CDH26: variants seen among roughly 807,000 people sequenced by gnomAD.
The protein encoded by CDH26 is cadherin-like protein 26.
A neutral mutation model predicts 90.3 loss-of-function variants in CDH26; 83 were observed. The ratio of observed to expected loss-of-function variants is 0.92; its 90% CI spans 0.77 to 1.10. CDH26 has a LOEUF of 1.10. Ranked by LOEUF, CDH26 falls within the 50% of genes least tolerant of loss-of-function variation. The probability of loss-of-function intolerance (pLI) is 0.00; values close to 1 mark genes in which losing one functional copy is unlikely to be tolerated. For synonymous variants in CDH26, 397 were observed against 396.3 expected (o/e 1.00, Z -0.02); for missense variants, 1,013 against 1,037.6 (o/e 0.98, Z 0.33).
At chr20:59,995,703 C>G in intron 11 of CDH26, 130 bp from the exon 12 acceptor site, 1 of 750,954 alleles carries the variant, frequency 1.3e-6, no homozygotes, top group South Asian at 1.7e-5. Flanking sequence ...TTGAGGACCC[C>G]TCCCTCTAAC....
intron 7 of CDH26, among the ~76,000 whole-genome samples, chr20:60,024,953 C>T (rs1006341412): frequency 2.6e-5 from 4 of 152,130 alleles, no homozygotes; most frequent in African/African-American, 7.2e-5. Context: ...AGAGCAGGTG[C>T]GCCCTCCTCT....
At chr20:59,975,799 C>A (rs959663697) in intron 4 of CDH26, among the ~76,000 whole-genome samples, 1 of 152,126 alleles carries the variant, frequency 6.6e-6, no homozygotes, top group East Asian at 1.9e-4. Context: ...AGTAGCACTT[C>A]TTTACTCTTG....
rs2062031945 is a variant in CDH26 at position 60,030,471 on chromosome 20, G to A, written c.948-760G>A. On this transcript the variant is annotated intron_variant, in intron 7 of 8. Transcript: ENST00000370991. The surrounding 1 kb of genome is among the most constrained non-coding windows in gnomAD (Gnocchi z 4.0). Reference sequence around the variant, plus strand: ...AGGAAAACATCTGGACTTCCTTTGGGTAGTTCCCCATCTCTTCATCCTCTG... The same window carrying A: ...AGGAAAACATCTGGACTTCCTTTGGATAGTTCCCCATCTCTTCATCCTCTG... Among the ~76,000 whole-genome samples the A allele has an allele frequency of 6.6e-6, 1 of 152,002 alleles. No homozygotes were observed. Among genetic ancestry groups the A allele is most frequent in the Admixed American group, 6.5e-5 (1 of 15,268 alleles).
chr20:60,032,048 A>G (rs536950017), intron 8 of CDH26, among the ~76,000 whole-genome samples: 28 of 152,400 alleles, frequency 1.8e-4, no homozygotes, highest in African/African-American at 6.5e-4. Context: ...ATCTCACAGT[A>G]TTATAATTCA....
intron 4 of CDH26, among the ~76,000 whole-genome samples, chr20:59,980,752 A>T (rs180736294): frequency 2.0e-5 from 3 of 152,196 alleles, no homozygotes; most frequent in Admixed American, 6.5e-5. Flanking sequence ...TTACAGAGCA[A>T]AAGTTATTAC....
chr20:60,035,402 T>C (rs147886798), downstream of CDH26, among the ~76,000 whole-genome samples: 9 of 152,354 alleles, frequency 5.9e-5, no homozygotes, highest in East Asian at 1.7e-3. Context: ...GTGTGTATTA[T>C]CAGTTTTTAA....
intron 1 of CDH26, 86 bp downstream of exon 1, chr20:59,958,881 G>A (rs1218503917): frequency 1.4e-6 from 2 of 1,389,532 alleles, no homozygotes; most frequent in African/African-American, 1.4e-5. Context: ...GGCTAAGGGA[G>A]GGGAGAGGGA....
chr20:59,993,632 A>C (rs1204447841), intron 10 of CDH26, among the ~76,000 whole-genome samples: 1 of 152,272 alleles, frequency 6.6e-6, no homozygotes, highest in Non-Finnish European at 1.5e-5. Context: ...CATAGTATAC[A>C]TATGCCACAT....
chr20:59,989,341 A>G (rs540497964), intron 9 of CDH26, among the ~76,000 whole-genome samples, 178 bp downstream of exon 9: 2 of 151,944 alleles, frequency 1.3e-5, no homozygotes, highest in South Asian at 4.2e-4. Context: ...ATCCTGGCTA[A>G]CAAGGTGAAA....
intron 4 of CDH26, among the ~76,000 whole-genome samples, chr20:59,974,607 C>T (rs2061305369): frequency 6.6e-6 from 1 of 152,156 alleles, no homozygotes; most frequent in African/African-American, 2.4e-5. Context: ...GTCAGGTTTT[C>T]AGGGCCCTAT....
chr20:59,958,548 G>A lies in CDH26; in HGVS notation c.-179G>A, dbSNP rs1041151945. 15 of 657,886 alleles carry A rather than the reference G, an allele frequency of 2.3e-5. No individual in the cohort carries two copies. The African/African-American group carries it at 2.7e-4, about 12-fold the overall frequency. The allele number at this position is 657,886 out of a possible 1,614,324, so 40.8% of individuals were successfully genotyped here. On this transcript the variant is annotated 5_prime_UTR_variant, in exon 1 of 18. It removes an upstream start codon present in the reference 5' UTR. Transcript: ENST00000348616. ...GTCAGCCCACCCCACTCTGATAAATGCAAGAAAAGCTGAAAAGGGAGGAGC... is the reference window on the plus strand; with the variant it reads ...GTCAGCCCACCCCACTCTGATAAATACAAGAAAAGCTGAAAAGGGAGGAGC...
intron 1 of CDH26, among the ~76,000 whole-genome samples, chr20:59,966,550 G>A (rs1305796093): frequency 6.6e-6 from 1 of 152,230 alleles, no homozygotes; most frequent in African/African-American, 2.4e-5. Context: ...GCGTGAGCAA[G>A]TGCATGGTGG....
chr20:59,984,335 A>G (rs904053421), intron 5 of CDH26, among the ~76,000 whole-genome samples: 2 of 152,250 alleles, frequency 1.3e-5, no homozygotes, highest in Middle Eastern at 3.4e-3. Flanking sequence ...TTTCAGATAT[A>G]TTTTCCTGCT....
At chr20:59,983,197 C>A in intron 5 of CDH26, 127 bp downstream of exon 5, 1 of 1,133,954 alleles carries the variant, frequency 8.8e-7, no homozygotes, top group Non-Finnish European at 1.2e-6. Flanking sequence ...TCTCAAAGAT[C>A]GCAGGCCTTG....
At chr20:59,968,053 G>GTCTCTCTC (rs1229883988) in intron 1 of CDH26, among the ~76,000 whole-genome samples, 2 of 70,708 alleles carry the variant, frequency 2.8e-5, no homozygotes, top group Non-Finnish European at 5.5e-5. Context: ...CTCTCTCTCT[G>GTCTCTCTC]TCTCTCTCTC....
At chr20:60,006,855 G>C (rs1601194345) in intron 17 of CDH26, 68 bp downstream of exon 17, 1 of 1,190,766 alleles carries the variant, frequency 8.4e-7, no homozygotes. Context: ...CTCCAGGCTT[G>C]ATTTGGGGAC....
At chr20:59,968,011 CTTCCTTT>C in intron 1 of CDH26, among the ~76,000 whole-genome samples, 1 of 112,300 alleles carries the variant, frequency 8.9e-6, no homozygotes, top group East Asian at 2.5e-4. Context: ...TTCTTTCTTT[CTTCCTTT>C]CTCTCTGTCT....
chr20:59,964,883 C>A lies in CDH26; in HGVS notation c.70-4084C>A, dbSNP rs1190633563. 2.0e-5 allele frequency among the ~76,000 whole-genome samples: 3 copies of A among 152,276 alleles called. No homozygotes were observed. In the East Asian group the frequency reaches 5.8e-4, roughly 29 times the overall value. On this transcript the variant is annotated intron_variant, in intron 1 of 17. Transcript: ENST00000348616. Reference sequence around the variant, plus strand: ...CAATTTACAGAAGGGGAAACTGAGGCCCAGAGGGAACAAGAAACCTCAATA... The same window carrying A: ...CAATTTACAGAAGGGGAAACTGAGGACCAGAGGGAACAAGAAACCTCAATA...
intron 9 of CDH26, among the ~76,000 whole-genome samples, chr20:59,989,528 C>A (rs979510186): frequency 1.4e-5 from 2 of 139,548 alleles, no homozygotes; most frequent in Non-Finnish European, 3.0e-5. Flanking sequence ...GAGCGAGACT[C>A]CGTCTCAAAA....
Sources: gnomAD v4.1 joint callset for allele counts (sites outside exome capture counted in the v4.1 genomes callset) on GRCh38, gnomAD v4.1.1 for gene constraint, Gnocchi (gnomAD v3.1) non-coding constraint, MANE v1.5 for transcripts, NCBI Gene and HGNC (gene_info 2026-07-23, HGNC 2026-07-21) for gene names.